CDR2L: variants seen among roughly 807,000 people sequenced by gnomAD.
CDR2L encodes cerebellar degeneration-related protein 2-like.
A neutral mutation model predicts 36.1 loss-of-function variants in CDR2L; 19 were observed. That is an observed-to-expected ratio of 0.53 (90% CI 0.37 to 0.77). The LOEUF (loss-of-function observed/expected upper bound fraction) is 0.77. Ranked by LOEUF, CDR2L falls within the 30% of genes least tolerant of loss-of-function variation. CDR2L has a pLI of 0.00. For missense variants in CDR2L, 575 were observed against 627.2 expected, an observed-to-expected ratio of 0.92 and a Z score of 0.89; for synonymous variants, 285 against 280.4, an observed-to-expected ratio of 1.02 and a Z score of -0.16.
intron 1 of CDR2L, among the ~76,000 whole-genome samples, chr17:74,996,858 TC>T (rs2039829218): frequency 1.3e-5 from 2 of 151,930 alleles, no homozygotes; most frequent in Non-Finnish European, 2.9e-5. Context: ...ACCTGAATTC[TC>T]CCCCTAGCGT....
chr17:74,998,879 G>A (rs960164364), intron 1 of CDR2L, among the ~76,000 whole-genome samples: 1 of 152,188 alleles, frequency 6.6e-6, no homozygotes, highest in Non-Finnish European at 1.5e-5. Context: ...CCAGCAGTGG[G>A]GCTGGGAGGG....
chr17:75,003,531 C>G lies in CDR2L; in HGVS notation c.855C>G (p.Ala285=), dbSNP rs1277952895. The change falls in exon 5 of 5, where the codon GCC becomes GCG. Residue 285 remains alanine (A), a synonymous_variant. Transcript: ENST00000337231. ...LLAPLTQAPE[A]DDPQPGRGDD... The stretch of plus-strand genomic sequence containing the variant: ...CACCCCTCACGCAGGCCCCTGAGGC[C>G]GACGATCCCCAGCCCGGCCGCGGGG... The G allele has an allele frequency of 2.0e-6, 3 of 1,517,194 alleles. No individual in the cohort carries two copies. In the East Asian group the frequency reaches 7.4e-5, roughly 37 times the overall value. The allele number at this position is 1,517,194 out of a possible 1,614,324, so 94.0% of individuals were successfully genotyped here.
At chr17:74,991,174 G>A (rs886379312) in intron 1 of CDR2L, among the ~76,000 whole-genome samples, 4 of 152,084 alleles carry the variant, frequency 2.6e-5, no homozygotes, top group African/African-American at 4.8e-5. Context: ...AGGCCAAGGC[G>A]GGCGGATCAC....
chr17:74,999,073 C>T (rs181977904), intron 1 of CDR2L, among the ~76,000 whole-genome samples: 62 of 152,290 alleles, frequency 4.1e-4, no homozygotes, highest in African/African-American at 1.4e-3. Flanking sequence ...GACACTCCAG[C>T]TTGGCCTGGG....
intron 1 of CDR2L, among the ~76,000 whole-genome samples, chr17:74,994,616 CT>C (rs998289541): frequency 1.3e-5 from 2 of 151,342 alleles, no homozygotes; most frequent in African/African-American, 2.4e-5. Flanking sequence ...TAGTTTCATT[CT>C]TTTTTTTTCA....
chr17:75,000,571 T>G (rs536239725), intron 2 of CDR2L, among the ~76,000 whole-genome samples: 1 of 142,704 alleles, frequency 7.0e-6, no homozygotes, highest in Non-Finnish European at 1.5e-5. Context: ...GTGCTGAGAT[T>G]ACAGGTGTGA....
chr17:75,002,060 C>T lies in CDR2L; in HGVS notation c.342-4C>T, dbSNP rs908652322. On this transcript the variant is annotated splice_region_variant and splice_polypyrimidine_tract_variant and intron_variant, in intron 3 of 4. Coordinates refer to ENST00000337231, the MANE Select transcript of CDR2L (RefSeq NM_014603.3). This position sits in a 1 kb window ranked among gnomAD's most constrained non-coding sequence, Gnocchi z 4.1. ...TCCCTGTGTGTCCACCACCCCGCCC[C>T]CAGGCTGACGGAGACCATTGAGCGC... 6.3e-7 allele frequency: 1 copy of T among 1,575,168 alleles called. No homozygotes were observed. The highest frequency in any genetic ancestry group is 8.6e-7 in the Non-Finnish European group (1 of 1,164,502).
At position 74,989,769 on chromosome 17, in the gene CDR2L, C is replaced by T. The variant is rs148348310; in HGVS notation, c.79+1647C>T. 0.022 allele frequency among the ~76,000 whole-genome samples: 3,389 copies of T among 152,230 alleles called. 126 individuals are homozygous for T. The highest frequency in any genetic ancestry group is 0.078 in the African/African-American group (3,227 of 41,526). The stretch of plus-strand genomic sequence containing the variant: ...TCCCGGGTTCAAGTGATTCTCCTGC[C>T]TCAGCCTCCTGAGTAGCTGGGACCA... On this transcript the variant is annotated intron_variant, in intron 1 of 4. Coordinates refer to ENST00000337231, the MANE Select transcript of CDR2L (RefSeq NM_014603.3). The surrounding 1 kb of genome is among the most constrained non-coding windows in gnomAD (Gnocchi z 4.2).
chr17:74,993,384 TCTC>T (rs1020130998), intron 1 of CDR2L, among the ~76,000 whole-genome samples: 1 of 152,050 alleles, frequency 6.6e-6, no homozygotes, highest in Admixed American at 6.6e-5. Context: ...TTCAGGCAAT[TCTC>T]CTGCCTCAGC....
chr17:74,997,404 C>T (rs78280877), intron 1 of CDR2L, among the ~76,000 whole-genome samples: 3,878 of 152,190 alleles, frequency 0.025, 65 homozygotes, highest in Non-Finnish European at 0.038. Flanking sequence ...AAGTCCAACT[C>T]GAAAGCTGTC....
rs1450069306 is a variant in CDR2L at position 74,989,509 on chromosome 17, T to C, written c.79+1387T>C. ...CAGTAAATTTTTCCATGAACACCTA[T>C]TAGGCTCCCCTTAAGTACCAGACAC... On this transcript the variant is annotated intron_variant, in intron 1 of 4. Coordinates refer to ENST00000337231, the MANE Select transcript of CDR2L (RefSeq NM_014603.3). The surrounding 1 kb of genome is among the most constrained non-coding windows in gnomAD (Gnocchi z 4.2). 2.0e-5 allele frequency among the ~76,000 whole-genome samples: 3 copies of C among 151,694 alleles called. No homozygotes were observed. The highest frequency in any genetic ancestry group is 7.3e-5 in the African/African-American group (3 of 41,266).
rs368672422 is a variant in CDR2L, at chr17:74,999,325, C to CACACACACACACAA, written c.80-178_80-177insCACACACACACAAA. On this transcript the variant is annotated intron_variant, in intron 1 of 4. Coordinates refer to ENST00000337231, the MANE Select transcript of CDR2L (RefSeq NM_014603.3). Reference sequence around the variant, plus strand: ...ACACACACACACACACAGACACACACAAAAAGAACATTCCAGGCAGAAATA... The same window carrying CACACACACACACAA: ...ACACACACACACACACAGACACACACACACACACACACAAAAAAAGAACATTCCAGGCAGAAATA... Among the ~76,000 whole-genome samples, 146 of 151,084 alleles carry CACACACACACACAA rather than the reference C, an allele frequency of 9.7e-4. 1 individual carries two copies. In the East Asian group the frequency reaches 9.9e-3, roughly 10 times the overall value.
chr17:75,004,142 C>A lies in CDR2L; in HGVS notation c.*68C>A. On this transcript the variant is annotated 3_prime_UTR_variant, in exon 5 of 5. Coordinates refer to ENST00000337231, the MANE Select transcript of CDR2L (RefSeq NM_014603.3). ...GGTCCCTCAGGCCTGGGCGGTGCAG[C>A]TTCCAGAGAGCGAGCGCCCTTTAGC... The A allele has an allele frequency of 7.1e-7, 1 of 1,405,668 alleles. No homozygotes were observed. Among genetic ancestry groups the A allele is most frequent in the Non-Finnish European group, 9.6e-7 (1 of 1,045,066 alleles). 87.1% of individuals were successfully genotyped at this position (1,405,668 alleles called of 1,614,324 possible).
intron 3 of CDR2L, among the ~76,000 whole-genome samples, 200 bp downstream of exon 3, chr17:75,001,689 C>A (rs78679237): frequency 0.017 from 2,523 of 152,310 alleles, 34 homozygotes; most frequent in Non-Finnish European, 0.027. Flanking sequence ...ATGCACCAGG[C>A]TCTTCTTTAG....
At chr17:74,995,746 A>G (rs1598653570) in intron 1 of CDR2L, among the ~76,000 whole-genome samples, 1 of 143,892 alleles carries the variant, frequency 6.9e-6, no homozygotes, top group African/African-American at 2.6e-5. Flanking sequence ...CAAGTGATCC[A>G]CCCTCCTCGG....
At chr17:74,998,334 A>G (rs2039843390) in intron 1 of CDR2L, among the ~76,000 whole-genome samples, 1 of 151,492 alleles carries the variant, frequency 6.6e-6, no homozygotes, top group African/African-American at 2.4e-5. Context: ...CCTGGGCTCA[A>G]GGGATCCTAT....
chr17:74,991,975 G>C (rs2039800109), intron 1 of CDR2L, among the ~76,000 whole-genome samples: 2 of 152,160 alleles, frequency 1.3e-5, no homozygotes, highest in South Asian at 4.1e-4. Flanking sequence ...CCTCCACCCT[G>C]GTTACCCCAA....
chr17:74,998,038 G>A (rs1288056190), intron 1 of CDR2L, among the ~76,000 whole-genome samples: 1 of 151,806 alleles, frequency 6.6e-6, no homozygotes, highest in Non-Finnish European at 1.5e-5. Context: ...GGCTAACACG[G>A]TGAAACCCCG....
Position 75,002,075 on chromosome 17 carries a change from C to T in CDR2L, c.353C>T (p.Thr118Ile), listed in dbSNP as rs2039870292. 5 of 1,594,094 alleles carry T rather than the reference C, an allele frequency of 3.1e-6. No individual in the cohort carries two copies. The highest frequency in any genetic ancestry group is 4.3e-6 in the Non-Finnish European group (5 of 1,172,480). The change falls in exon 4 of 5, where the codon ACC becomes ATC. Residue 118 changes from threonine (T) to isoleucine (I), a missense_variant. Coordinates refer to ENST00000337231, the MANE Select transcript of CDR2L (RefSeq NM_014603.3). The surrounding 1 kb of genome is among the most constrained non-coding windows in gnomAD (Gnocchi z 4.1). ...AQQKIHGLTETIERLQAQVEE... is the reference protein window; with the variant it reads ...AQQKIHGLTEIIERLQAQVEE... ...CACCCCGCCCCCAGGCTGACGGAGA[C>T]CATTGAGCGCCTCCAGGCTCAGGTG...
Sources: gnomAD v4.1 joint callset for allele counts (sites outside exome capture counted in the v4.1 genomes callset) on GRCh38, gnomAD v4.1.1 for gene constraint, Gnocchi (gnomAD v3.1) non-coding constraint, MANE v1.5 for transcripts, NCBI Gene and HGNC (gene_info 2026-07-23, HGNC 2026-07-21) for gene names.